Variants in ERC2 observed in about 807,000 individuals in gnomAD.
The protein encoded by ERC2 is ELKS/RAB6-interacting/CAST family member 2, also known as ERC protein 2.
Under a neutral mutation model 114.8 loss-of-function variants are expected in ERC2, and 42 were observed. That is an observed-to-expected ratio of 0.37 (90% CI 0.29 to 0.47). The LOEUF is 0.47. Ranked by LOEUF, ERC2 falls within the 20% of genes least tolerant of loss-of-function variation. ERC2 has a pLI of 0.99. For missense variants in ERC2, 939 were observed against 1,150.7 expected, an observed-to-expected ratio of 0.82 and a Z score of 2.66; for synonymous variants, 454 against 425.5, an observed-to-expected ratio of 1.07 and a Z score of -0.82.
At chr3:56,219,705 G>T (rs143662606) in intron 3 of ERC2, among the ~76,000 whole-genome samples, 4 of 148,996 alleles carry the variant, frequency 2.7e-5, no homozygotes, top group Non-Finnish European at 5.9e-5. Flanking sequence ...ATGGGAAAGA[G>T]TGTTGGGCTC....
intron 14 of ERC2, among the ~76,000 whole-genome samples, chr3:55,814,659 T>C (rs1263799975): frequency 6.6e-6 from 1 of 152,180 alleles, no homozygotes; most frequent in Non-Finnish European, 1.5e-5. Context: ...TTGTAAGATA[T>C]ATGTGGGGTG....
intron 8 of ERC2, among the ~76,000 whole-genome samples, chr3:56,014,547 A>T (rs2073176397): frequency 6.6e-6 from 1 of 152,164 alleles, no homozygotes; most frequent in Admixed American, 6.6e-5. Flanking sequence ...AGACAGTCCA[A>T]GGGGCCAGAC....
At chr3:55,641,145 T>C (rs555601553) in intron 17 of ERC2, among the ~76,000 whole-genome samples, 1 of 152,268 alleles carries the variant, frequency 6.6e-6, no homozygotes, top group South Asian at 2.1e-4. Flanking sequence ...GAAATCCCCT[T>C]GGGGGAAAAC....
At chr3:55,767,054 T>C (rs184706770) in intron 14 of ERC2, among the ~76,000 whole-genome samples, 4 of 152,318 alleles carry the variant, frequency 2.6e-5, no homozygotes, top group Non-Finnish European at 5.9e-5. Flanking sequence ...TGCCAGGTCC[T>C]GTAACGGGCA....
intron 3 of ERC2, among the ~76,000 whole-genome samples, chr3:56,284,009 C>T (rs1178315171): frequency 6.6e-6 from 1 of 152,208 alleles, no homozygotes; most frequent in Non-Finnish European, 1.5e-5. Flanking sequence ...AACTCTGCTT[C>T]ATTAATAACT....
At chr3:55,635,757 A>G (rs1376089591) in intron 17 of ERC2, among the ~76,000 whole-genome samples, 1 of 152,146 alleles carries the variant, frequency 6.6e-6, no homozygotes, top group Non-Finnish European at 1.5e-5. Flanking sequence ...ATAATGAAGA[A>G]TCATCTCAAC....
intron 12 of ERC2, among the ~76,000 whole-genome samples, chr3:55,964,426 G>A (rs377654394): frequency 4.7e-5 from 7 of 149,572 alleles, no homozygotes; most frequent in African/African-American, 1.7e-4. Context: ...ATAATAACTA[G>A]GCCTAGACAT....
At position 55,997,880 on chromosome 3, in the gene ERC2, G is replaced by GGTTTTTTTTTT. The variant is rs1302588153; in HGVS notation, c.2062-5631_2062-5630insAAAAAAAAAAC. Among the ~76,000 whole-genome samples the GGTTTTTTTTTT allele has an allele frequency of 4.5e-5, 2 of 44,788 alleles. 1 individual carries two copies. The highest frequency in any genetic ancestry group is 1.8e-4 in the African/African-American group (2 of 11,338). The allele number at this position is 44,788 out of a possible 152,430, so 29.4% of individuals were successfully genotyped here. On this transcript the variant is annotated intron_variant, in intron 10 of 17. Coordinates refer to ENST00000288221, the MANE Select transcript of ERC2 (RefSeq NM_015576.3). ...TTGAAATGTTATACATCTTAATTCT[G>GGTTTTTTTTTT]TTTTTTTTTTTTTTTTTTTTTTTTT...
At chr3:55,838,752 G>A (rs564470510) in intron 14 of ERC2, among the ~76,000 whole-genome samples, 2 of 151,930 alleles carry the variant, frequency 1.3e-5, no homozygotes, top group South Asian at 2.1e-4. Context: ...GTATCAGAAA[G>A]GAAAAGACAC....
At chr3:56,338,596 A>T (rs1237417686) in intron 2 of ERC2, among the ~76,000 whole-genome samples, 2 of 136,050 alleles carry the variant, frequency 1.5e-5, no homozygotes, top group Non-Finnish European at 3.3e-5. Flanking sequence ...CTTTTGAGAC[A>T]TGAAAACAAA....
At chr3:56,207,116 C>T (rs969673212) in intron 3 of ERC2, among the ~76,000 whole-genome samples, 1 of 151,566 alleles carries the variant, frequency 6.6e-6, no homozygotes, top group Admixed American at 6.6e-5. Context: ...TTTAGAGACT[C>T]TAATATGTTT....
At chr3:56,398,294 T>C (rs562103774) in intron 2 of ERC2, among the ~76,000 whole-genome samples, 4 of 152,288 alleles carry the variant, frequency 2.6e-5, no homozygotes, top group African/African-American at 7.2e-5. Flanking sequence ...AGAAAACCTA[T>C]TCCAATTATT....
chr3:56,356,869 C>T (rs1040658176), intron 2 of ERC2, among the ~76,000 whole-genome samples: 1 of 152,184 alleles, frequency 6.6e-6, no homozygotes, highest in Non-Finnish European at 1.5e-5. Flanking sequence ...GTAAATATCA[C>T]TACCCCCACT....
At chr3:55,621,003 C>T (rs2059302497) in intron 17 of ERC2, among the ~76,000 whole-genome samples, 1 of 152,164 alleles carries the variant, frequency 6.6e-6, no homozygotes, top group South Asian at 2.1e-4. Flanking sequence ...TGACCCTTCA[C>T]AGTGATTTTA....
chr3:55,853,019 C>T (rs2061640220), intron 14 of ERC2, among the ~76,000 whole-genome samples: 1 of 152,186 alleles, frequency 6.6e-6, no homozygotes, highest in Non-Finnish European at 1.5e-5. Context: ...CCTCCCCATC[C>T]CACTGTCCAG....
Position 55,561,155 on chromosome 3 carries a change from T to TAAAA in ERC2, c.*40-49883_*40-49880dup, listed in dbSNP as rs34947750. Among the ~76,000 whole-genome samples the TAAAA allele has an allele frequency of 2.1e-5, 3 of 146,050 alleles. No individual in the cohort carries two copies. In the South Asian group the frequency reaches 6.6e-4, roughly 32 times the overall value. ...TCACCAAACTACTGCTGCTTTTCTT[T>TAAAA]AAAAAAAAAAAAAAATTAAGAGCAA... On this transcript the variant is annotated intron_variant, in intron 17 of 17. Coordinates refer to ENST00000288221, the MANE Select transcript of ERC2 (RefSeq NM_015576.3).
intron 17 of ERC2, among the ~76,000 whole-genome samples, chr3:55,565,530 A>T (rs1478910396): frequency 6.6e-6 from 1 of 151,936 alleles, no homozygotes. Context: ...CCTCTAATAT[A>T]TCAGCATGGT....
intron 13 of ERC2, among the ~76,000 whole-genome samples, chr3:55,944,639 G>A (rs770135871): frequency 3.9e-5 from 6 of 152,156 alleles, no homozygotes; most frequent in Non-Finnish European, 8.8e-5. Context: ...ACATTGCACA[G>A]GATGTCTTGT....
chr3:55,883,535 A>AACAG (rs1553716966), intron 14 of ERC2, among the ~76,000 whole-genome samples: 2 of 125,492 alleles, frequency 1.6e-5, no homozygotes, highest in East Asian at 4.6e-4. Flanking sequence ...GATATAATTA[A>AACAG]ACATACACAC....
Sources: allele counts gnomAD v4.1 joint callset (sites outside exome capture counted in the v4.1 genomes callset), GRCh38; gene constraint gnomAD v4.1.1; transcripts MANE v1.5; gene names NCBI Gene and HGNC (gene_info 2026-07-23, HGNC 2026-07-21).